The following PHLPP1 variants were observed in gnomAD, a reference collection of about 807,000 sequenced individuals.
PHLPP1 encodes PH domain leucine-rich repeat-containing protein phosphatase 1.
A neutral mutation model predicts 117.2 loss-of-function variants in PHLPP1; 42 were observed. That is an observed-to-expected ratio of 0.36 (90% CI 0.28 to 0.46). PHLPP1 has a LOEUF of 0.46. Ranked by LOEUF, PHLPP1 falls within the 20% of genes least tolerant of loss-of-function variation. The pLI, the probability that PHLPP1 is intolerant of heterozygous loss-of-function variation, is 1.00. For missense variants in PHLPP1, 2,084 were observed against 2,241.9 expected (o/e 0.93, Z 1.42); for synonymous variants, 1,042 against 970.7 (o/e 1.07, Z -1.37).
At chr18:62,798,065 T>A (rs1913675330) in intron 1 of PHLPP1, among the ~76,000 whole-genome samples, 1 of 152,224 alleles carries the variant, frequency 6.6e-6, no homozygotes, top group Admixed American at 6.5e-5. Context: ...ATTCCCTCCT[T>A]ATAATAGTGC....
chr18:62,791,508 A>T (rs1913455675), intron 1 of PHLPP1, among the ~76,000 whole-genome samples: 1 of 152,138 alleles, frequency 6.6e-6, no homozygotes, highest in African/African-American at 2.4e-5. Context: ...CTGCAGAGGG[A>T]TGCTTTGCTT....
intron 1 of PHLPP1, among the ~76,000 whole-genome samples, chr18:62,807,735 A>T (rs1442893901): frequency 6.6e-6 from 1 of 152,316 alleles, no homozygotes; most frequent in East Asian, 1.9e-4. Flanking sequence ...GTATTAGTGT[A>T]TCTAAACTTC....
intron 10 of PHLPP1, among the ~76,000 whole-genome samples, chr18:62,940,872 C>T (rs1910113784): frequency 6.6e-6 from 1 of 152,156 alleles, no homozygotes; most frequent in Non-Finnish European, 1.5e-5. Flanking sequence ...ATATTTGAAA[C>T]GTTACACGCC....
Position 62,905,294 on chromosome 18 carries a change from C to A in PHLPP1, c.2708+10C>A. ...ACATGGATGTTTCAAGGTAAGAAGT[C>A]AAGTCTTAGAGCCCTCTAGAGTCTA... On this transcript the variant is annotated intron_variant, in intron 8 of 16. Coordinates refer to ENST00000262719, the MANE Select transcript of PHLPP1 (RefSeq NM_194449.4). The A allele has an allele frequency of 1.4e-6, 2 of 1,466,230 alleles. No individual in the cohort carries two copies. The highest frequency in any genetic ancestry group is 1.6e-5 in the South Asian group (1 of 63,978). The allele number at this position is 1,466,230 out of a possible 1,614,324, so 90.8% of individuals were successfully genotyped here. A position where few individuals can be genotyped will look rare whatever the true frequency, so the allele number is the denominator to read the frequency against.
At chr18:62,939,116 G>A (rs1034503553) in intron 10 of PHLPP1, among the ~76,000 whole-genome samples, 4 of 150,658 alleles carry the variant, frequency 2.7e-5, no homozygotes, top group East Asian at 3.9e-4. Context: ...TCACCCTCTC[G>A]AGTAGCTGGG....
At chr18:62,845,993 C>T (rs1468120214) in intron 3 of PHLPP1, among the ~76,000 whole-genome samples, 1 of 152,092 alleles carries the variant, frequency 6.6e-6, no homozygotes, top group East Asian at 1.9e-4. Flanking sequence ...AGGTCAATCA[C>T]CTGAGTTCAA....
intron 1 of PHLPP1, among the ~76,000 whole-genome samples, chr18:62,791,715 G>A (rs1227638554): frequency 2.0e-5 from 3 of 152,132 alleles, no homozygotes; most frequent in South Asian, 2.1e-4. Flanking sequence ...TTTTGAGGCT[G>A]GATTTACAAC....
chr18:62,807,642 A>G (rs1275183257), intron 1 of PHLPP1, among the ~76,000 whole-genome samples: 2 of 152,224 alleles, frequency 1.3e-5, no homozygotes, highest in African/African-American at 4.8e-5. Flanking sequence ...GCTGTATGGT[A>G]TATAGCCTTT....
chr18:62,862,892 AAGAAT>A (rs1915667093), intron 4 of PHLPP1, among the ~76,000 whole-genome samples: 1 of 152,188 alleles, frequency 6.6e-6, no homozygotes, highest in African/African-American at 2.4e-5. Context: ...CCCGGAAGAA[AAGAAT>A]AGAGAAGAAT....
chr18:62,975,654 G>A (rs769296473), intron 16 of PHLPP1, 29 bp downstream of exon 16: 1 of 1,471,876 alleles, frequency 6.8e-7, no homozygotes, highest in Non-Finnish European at 9.5e-7. Context: ...TGCCCAGGAT[G>A]GTGGAGAGGA....
At chr18:62,758,546 AAT>A (rs1463187260) in intron 1 of PHLPP1, among the ~76,000 whole-genome samples, 2 of 152,246 alleles carry the variant, frequency 1.3e-5, no homozygotes, top group Non-Finnish European at 2.9e-5. Flanking sequence ...AAATAAAAAA[AAT>A]TTAGCTTCTT....
intron 1 of PHLPP1, among the ~76,000 whole-genome samples, chr18:62,723,443 T>G (rs1163120800): frequency 2.0e-5 from 3 of 152,192 alleles, no homozygotes; most frequent in Non-Finnish European, 4.4e-5. Flanking sequence ...TAGAGAGAAT[T>G]TGAATTGGTT....
At chr18:62,856,924 T>G (rs1915512312) in intron 3 of PHLPP1, among the ~76,000 whole-genome samples, 1 of 151,408 alleles carries the variant, frequency 6.6e-6, no homozygotes, top group Non-Finnish European at 1.5e-5. Flanking sequence ...ACCCCCTTTC[T>G]CAAGCTGTTT....
At position 62,947,107 on chromosome 18, in the gene PHLPP1, A is replaced by G. The variant is rs536679246; in HGVS notation, c.3324+1836A>G. 3.3e-5 allele frequency among the ~76,000 whole-genome samples: 5 copies of G among 152,378 alleles called. No individual in the cohort carries two copies. In the East Asian group the frequency reaches 7.7e-4, roughly 23 times the overall value. On this transcript the variant is annotated intron_variant, in intron 12 of 16. Coordinates refer to ENST00000262719, the MANE Select transcript of PHLPP1 (RefSeq NM_194449.4). The stretch of plus-strand genomic sequence containing the variant: ...AATTTCCAGAATTTTTACTTTCTGT[A>G]TAGTAACTTTCACATTGAGGAAGAG...
At chr18:62,896,166 G>T (rs761014765) in intron 6 of PHLPP1, among the ~76,000 whole-genome samples, 155 bp downstream of exon 6, 1 of 152,084 alleles carries the variant, frequency 6.6e-6, no homozygotes, top group Non-Finnish European at 1.5e-5. Flanking sequence ...TTAATAGTAG[G>T]GTTTGCTATT....
At chr18:62,823,696 A>C (rs1914530365) in intron 1 of PHLPP1, among the ~76,000 whole-genome samples, 2 of 151,944 alleles carry the variant, frequency 1.3e-5, no homozygotes, top group African/African-American at 4.8e-5. Context: ...AACCCAATTA[A>C]AATTGAACAC....
chr18:62,930,956 G>A (rs1047415790), intron 10 of PHLPP1, among the ~76,000 whole-genome samples: 6 of 152,134 alleles, frequency 3.9e-5, no homozygotes, highest in South Asian at 4.1e-4. Context: ...TTGGGAGGCC[G>A]AGGCAGGAGG....
Position 62,716,574 on chromosome 18 carries a change from G to T in PHLPP1, c.891G>T (p.Ala297=), listed in dbSNP as rs1205499383. The change falls in exon 1 of 17, where the codon GCG becomes GCT. Residue 297 remains alanine, a synonymous_variant. Transcript: ENST00000262719. This position sits in a 1 kb window ranked among gnomAD's most constrained non-coding sequence, Gnocchi z 5.7. ...GTGCCTTCGGGGGGCCTCCGCGCGC[G>T]CCCCCCGCCGACCTACCCCTGCCCG... is the stretch of plus-strand genomic sequence containing the variant. ...APGAFGGPPR[A]PPADLPLPVG... The T allele has an allele frequency of 2.5e-6, 3 of 1,205,964 alleles. No homozygotes were observed. Among genetic ancestry groups the T allele is most frequent in the Admixed American group, 4.4e-5 (1 of 22,572 alleles). 74.7% of individuals were successfully genotyped at this position (1,205,964 alleles called of 1,614,324 possible).
intron 1 of PHLPP1, among the ~76,000 whole-genome samples, chr18:62,735,093 G>A (rs559214085): frequency 6.6e-6 from 1 of 151,396 alleles, no homozygotes; most frequent in South Asian, 2.1e-4. Flanking sequence ...TGCTTAGACG[G>A]GAGTGTAGTG....
Sources: gnomAD v4.1 joint callset for allele counts (sites outside exome capture counted in the v4.1 genomes callset) on GRCh38, gnomAD v4.1.1 for gene constraint, Gnocchi (gnomAD v3.1) non-coding constraint, MANE v1.5 for transcripts, NCBI Gene and HGNC (gene_info 2026-07-23, HGNC 2026-07-21) for gene names.